The following EDRF1 variants were observed in gnomAD, a reference collection of about 807,000 sequenced individuals.
EDRF1 encodes the protein erythroid differentiation regulatory factor 1.
A neutral mutation model predicts 148.7 loss-of-function variants in EDRF1; 69 were observed. The ratio of observed to expected loss-of-function variants is 0.46; its 90% CI spans 0.38 to 0.57. EDRF1 has a LOEUF of 0.57. Among genes scored for constraint, EDRF1 ranks in the 20% least tolerant of loss-of-function variants. The pLI is 0.00. For missense variants in EDRF1, 1,118 were observed against 1,478.7 expected, an observed-to-expected ratio of 0.76 and a Z score of 4.00; for synonymous variants, 515 against 532.8, an observed-to-expected ratio of 0.97 and a Z score of 0.46.
chr10:125,747,902 A>C lies in EDRF1; in HGVS notation c.3013A>C (p.Lys1005Gln), dbSNP rs1849444992. The C allele has an allele frequency of 6.2e-7, 1 of 1,614,070 alleles. No homozygotes were observed. The highest frequency in any genetic ancestry group is 8.5e-7 in the Non-Finnish European group (1 of 1,180,030). Residue 1005 changes from lysine (K) to glutamine (Q), a missense_variant, in exon 21 of 25, where the codon AAA becomes CAA. By Grantham distance (53) the Lys-to-Gln change is moderately conservative. Transcript: ENST00000356792. The part of the protein sequence containing the change: ...EVSEAMMKSL[K>Q]YCDVDSVSAR... ...CAGTGAGGCCATGATGAAGTCCCTA[A>C]AATACTGCGATGTGGATTCAGTGTC...
Position 125,733,534 on chromosome 10 carries a change from C to A in EDRF1, c.1259C>A (p.Thr420Asn). ...TCTAATTGTACCAAAGAAGGACATA[C>A]CTATTGGCTCTTTAAAGGTAAGCTA... ...LKSNCTKEGH[T>N]YWLFKASGSD... Residue 420 changes from threonine to asparagine, a missense_variant, in exon 10 of 25, where the codon ACC (threonine) becomes AAC (asparagine). By Grantham distance (65) the Thr-to-Asn change is moderately conservative (BLOSUM62 0). This residue lies in a region of EDRF1 where 954 missense variants were observed against 1,241.4 expected (regional missense o/e 0.77). Coordinates refer to ENST00000356792, the MANE Select transcript of EDRF1 (RefSeq NM_001202438.2). 6.3e-7 allele frequency: 1 copy of A among 1,599,940 alleles called. No homozygotes were observed.
intron 15 of EDRF1, among the ~76,000 whole-genome samples, chr10:125,738,921 A>G (rs1286375221): frequency 6.6e-6 from 1 of 152,260 alleles, no homozygotes; most frequent in East Asian, 1.9e-4. Flanking sequence ...TAAGCACTAT[A>G]GAAGTGTAGG....
At chr10:125,741,337 G>A in intron 17 of EDRF1, 136 bp downstream of exon 17, 1 of 979,770 alleles carries the variant, frequency 1.0e-6, no homozygotes, top group Non-Finnish European at 1.6e-6. Flanking sequence ...TATTTTTTGA[G>A]ACGGAGTTTC....
rs546125200 is a variant in EDRF1, at chr10:125,742,330, G to C, written c.2372-728G>C. 31 of 1,268,028 alleles carry C rather than the reference G, an allele frequency of 2.4e-5. No homozygotes were observed. The African/African-American group carries it at 2.8e-4, about 11-fold the overall frequency. The allele number at this position is 1,268,028 out of a possible 1,614,324, so 78.5% of individuals were successfully genotyped here. On this transcript the variant is annotated intron_variant, in intron 17 of 24. Coordinates refer to ENST00000356792, the MANE Select transcript of EDRF1 (RefSeq NM_001202438.2). Reference sequence around the variant, plus strand: ...CATTAACACAGTGAATGAAGTAAAAGATGAGTCTTCTGAAGGTGCTTCTGT... The same window carrying C: ...CATTAACACAGTGAATGAAGTAAAACATGAGTCTTCTGAAGGTGCTTCTGT...
Position 125,725,826 on chromosome 10 carries a change from T to G in EDRF1, c.780T>G (p.Ser260Arg). 2.5e-6 allele frequency: 4 copies of G among 1,613,462 alleles called. No individual in the cohort carries two copies. Among genetic ancestry groups the G allele is most frequent in the Non-Finnish European group, 3.4e-6 (4 of 1,179,980 alleles). Residue 260 changes from serine to arginine, a missense_variant, in exon 6 of 25, where the codon AGT (serine) becomes AGG (arginine). Around this residue, in one of 3 missense-constraint regions of EDRF1, gnomAD observed 954 missense variants for 1,241.4 expected, o/e 0.77. Transcript: ENST00000356792. ...CTTCTTCAGTTTCTGAAGATCCCAG[T>G]GCTTCCAGTCAGGTTAGTACTTAAA... is the stretch of plus-strand genomic sequence containing the variant. ...EMPSSVSEDP[S>R]ASSQGSEPLE... is the part of the protein sequence containing the mutation.
At chr10:125,760,547 T>C (rs1850148241) in intron 24 of EDRF1, among the ~76,000 whole-genome samples, 1 of 150,942 alleles carries the variant, frequency 6.6e-6, no homozygotes, top group Non-Finnish European at 1.5e-5. Context: ...AAATAAACAC[T>C]TTGACAAGTT....
At chr10:125,749,660 T>TGA in intron 22 of EDRF1, 95 bp downstream of exon 22, 1 of 1,456,480 alleles carries the variant, frequency 6.9e-7, no homozygotes, top group Non-Finnish European at 9.5e-7. Flanking sequence ...AATAATACTA[T>TGA]TTTCTTTTTA....
chr10:125,735,679 T>C lies in EDRF1; in HGVS notation c.1533T>C (p.Leu511=), dbSNP rs1288798597. ...CCGCCAATTACATGCTTTCAGAACT[T>C]TTTCAATTGGATGAACCTAAAAAGG... The part of the protein sequence containing the change: ...IASANYMLSE[L]FQLDEPKKEE... Residue 511 remains leucine (L), a synonymous_variant, in exon 13 of 25, where the codon CTT becomes CTC. Transcript: ENST00000356792. The C allele has an allele frequency of 6.2e-7, 1 of 1,613,212 alleles. No homozygotes were observed. Among genetic ancestry groups the C allele is most frequent in the Non-Finnish European group, 8.5e-7 (1 of 1,179,428 alleles).
chr10:125,753,312 G>T (rs1849734697), intron 23 of EDRF1, among the ~76,000 whole-genome samples: 1 of 152,150 alleles, frequency 6.6e-6, no homozygotes, highest in Admixed American at 6.6e-5. Flanking sequence ...CCTCAGGAAG[G>T]AATTTCTCGT....
intron 6 of EDRF1, among the ~76,000 whole-genome samples, chr10:125,726,900 GTGTTGTTC>G (rs983361939): frequency 6.6e-6 from 1 of 152,214 alleles, no homozygotes; most frequent in African/African-American, 2.4e-5. Flanking sequence ...CCATCTCCCA[GTGTTGTTC>G]TGTCTTTACC....
intron 5 of EDRF1, 95 bp from the exon 6 acceptor site, chr10:125,725,587 G>C (rs1189503256): frequency 1.3e-6 from 2 of 1,570,908 alleles, no homozygotes; most frequent in East Asian, 4.5e-5. Context: ...CAAGATGTAT[G>C]CTTAATTACA....
chr10:125,763,344 A>C lies in EDRF1; in HGVS notation c.3589A>C (p.Ile1197Leu). The C allele has an allele frequency of 6.2e-7, 1 of 1,613,646 alleles. No homozygotes were observed. The highest frequency in any genetic ancestry group is 1.1e-5 in the South Asian group (1 of 91,084). The change falls in exon 25 of 25, where the codon ATT becomes CTT. Residue 1197 changes from isoleucine (I) to leucine (L), a missense_variant. Around this residue, in one of 3 missense-constraint regions of EDRF1, gnomAD observed 954 missense variants for 1,241.4 expected, o/e 0.77. Transcript: ENST00000356792. The surrounding 1 kb of genome is among the most constrained non-coding windows in gnomAD (Gnocchi z 4.3). ...CACAATTCTCAAAACCAACAAGCAC[A>C]TTTACTCCCAGCTTTTGAGAGCAAC... ...DDTILKTNKH[I>L]YSQLLRATAN...
At chr10:125,748,049 G>C in intron 21 of EDRF1, 37 bp downstream of exon 21, 1 of 1,611,586 alleles carries the variant, frequency 6.2e-7, no homozygotes, top group Non-Finnish European at 8.5e-7. Flanking sequence ...TGCCACATCA[G>C]TTTAAAAGTG....
At chr10:125,751,492 C>G (rs1849640341) in intron 22 of EDRF1, among the ~76,000 whole-genome samples, 1 of 150,962 alleles carries the variant, frequency 6.6e-6, no homozygotes, top group South Asian at 2.1e-4. Context: ...CCCAACAACA[C>G]TTTCATACAT....
chr10:125,743,708 G>A (rs914290984), intron 18 of EDRF1, among the ~76,000 whole-genome samples: 1 of 152,308 alleles, frequency 6.6e-6, no homozygotes, highest in South Asian at 2.1e-4. Context: ...GAAGGCTTTT[G>A]GGAAAGTGTT....
rs1352393051 is a variant in EDRF1, at chr10:125,719,729, C to T, written c.-79C>T. On this transcript the variant is annotated 5_prime_UTR_variant, in exon 1 of 25. Transcript: ENST00000356792. ...AGTGCGGTCCGCGGAGCGTCTCTGG[C>T]GCTTACCCTGCTTTGGGCCTGCGTT... The T allele has an allele frequency of 7.0e-6, 8 of 1,145,912 alleles. No individual in the cohort carries two copies. The highest frequency in any genetic ancestry group is 1.5e-5 in the African/African-American group (1 of 64,570). 71.0% of individuals were successfully genotyped at this position (1,145,912 alleles called of 1,614,324 possible).
chr10:125,749,204 A>G (rs1849523324), intron 21 of EDRF1: 1 of 564,296 alleles, frequency 1.8e-6, no homozygotes, highest in Non-Finnish European at 3.1e-6. Context: ...CCAGGATTGC[A>G]CCACTGCATC....
chr10:125,724,804 G>A (rs1373240624), intron 4 of EDRF1, among the ~76,000 whole-genome samples: 1 of 152,188 alleles, frequency 6.6e-6, no homozygotes, highest in East Asian at 1.9e-4. Context: ...GCAAGAAATA[G>A]TTCATGGTCA....
intron 21 of EDRF1, 80 bp downstream of exon 21, chr10:125,748,092 A>G (rs1589860338): frequency 6.6e-7 from 1 of 1,524,082 alleles, no homozygotes; most frequent in Non-Finnish European, 9.1e-7. Flanking sequence ...TAACATGGTC[A>G]TATATGTCTT....
Sources: allele counts gnomAD v4.1 joint callset (sites outside exome capture counted in the v4.1 genomes callset), GRCh38; gene constraint gnomAD v4.1.1; regional missense constraint gnomAD v4.1.1; non-coding constraint Gnocchi (gnomAD v3.1); transcripts MANE v1.5; gene names NCBI Gene and HGNC (gene_info 2026-07-23, HGNC 2026-07-21).